PDE10A: variants seen among roughly 807,000 people sequenced by gnomAD.
PDE10A encodes the protein cAMP and cAMP-inhibited cGMP 3',5'-cyclic phosphodiesterase 10A.
Under a neutral mutation model 97.7 loss-of-function variants are expected in PDE10A, and 39 were observed. The observed-to-expected ratio is 0.40, with a 90% CI of 0.31 to 0.52. The LOEUF (loss-of-function observed/expected upper bound fraction) is 0.52. Ranked by LOEUF, PDE10A falls within the 20% of genes least tolerant of loss-of-function variation. The probability of loss-of-function intolerance (pLI) is 0.56; values close to 1 mark genes in which losing one functional copy is unlikely to be tolerated. For missense variants in PDE10A, 731 were observed against 1,047.8 expected (o/e 0.70, Z 4.17); for synonymous variants, 371 against 376.8 (o/e 0.98, Z 0.18).
chr6:165,539,386 A>G (rs1186230892), intron 2 of PDE10A, among the ~76,000 whole-genome samples: 1 of 152,232 alleles, frequency 6.6e-6, no homozygotes, highest in East Asian at 1.9e-4. Flanking sequence ...TCTACCTGTC[A>G]AAACAAAATC....
At chr6:165,658,326 T>C (rs1790066772) in intron 1 of PDE10A, among the ~76,000 whole-genome samples, 1 of 152,226 alleles carries the variant, frequency 6.6e-6, no homozygotes, top group African/African-American at 2.4e-5. Context: ...GTTTTGAATA[T>C]TTGGCAATCA....
intron 2 of PDE10A, among the ~76,000 whole-genome samples, chr6:165,516,268 C>T (rs930468968): frequency 4.6e-5 from 7 of 152,150 alleles, no homozygotes; most frequent in Admixed American, 1.3e-4. Context: ...CTTAATACTC[C>T]CATGTTAAAA....
Position 165,764,050 on chromosome 6 carries a change from C to A in PDE10A, c.-614-220482G>T, listed in dbSNP as rs146377669. 3.3e-4 allele frequency among the ~76,000 whole-genome samples: 51 copies of A among 152,344 alleles called. No individual in the cohort carries two copies. In the East Asian group the frequency reaches 9.4e-3, roughly 28 times the overall value. On this transcript the variant is annotated intron_variant, in intron 1 of 19. Coordinates refer to the PDE10A transcript ENST00000366882. Reference sequence around the variant, plus strand: ...TAGCAGGCTTGACACAAAACACTGCCTTTACATCACAAAATTCAATTCAGT... The same window carrying A: ...TAGCAGGCTTGACACAAAACACTGCATTTACATCACAAAATTCAATTCAGT...
At chr6:165,749,188 T>TCACC (rs1792911540) in intron 1 of PDE10A, among the ~76,000 whole-genome samples, 1 of 1,750 alleles carries the variant, frequency 5.7e-4, no homozygotes, top group African/African-American at 2.2e-3. Context: ...ACACTATCAC[T>TCACC]GTCATCACCA....
At chr6:165,426,172 T>G (rs1789149250) in intron 10 of PDE10A, among the ~76,000 whole-genome samples, 1 of 152,174 alleles carries the variant, frequency 6.6e-6, no homozygotes, top group Admixed American at 6.5e-5. Flanking sequence ...TCCACCTGAT[T>G]TCTTTGTAGA....
At position 165,662,394 on chromosome 6, in the gene PDE10A, C is replaced by G. The variant is rs896688948; in HGVS notation, c.418G>C (p.Val140Leu). 1 of 144,060 alleles carries G rather than the reference C, an allele frequency of 6.9e-6. No individual in the cohort carries two copies. Among genetic ancestry groups the G allele is most frequent in the African/African-American group, 2.7e-5 (1 of 37,686 alleles). The allele number at this position is 144,060 out of a possible 1,614,324, so 8.9% of individuals were successfully genotyped here. A position where few individuals can be genotyped will look rare whatever the true frequency, so the allele number is the denominator to read the frequency against. ...LPSSSAFHLP[V>L]RLPGREGAAA... ...GCGCCCTCCCTTCCTGGGAGACGCACGGGGAGGTGAAAGGCAGATGAGGAG... is the reference window on the plus strand; with the variant it reads ...GCGCCCTCCCTTCCTGGGAGACGCAGGGGGAGGTGAAAGGCAGATGAGGAG... The change falls in exon 1 of 22, where the codon GTG becomes CTG. Residue 140 changes from valine to leucine, a missense_variant. This residue lies in a region of PDE10A where 181 missense variants were observed against 159.1 expected (regional missense o/e 1.14). Coordinates refer to ENST00000539869, the MANE Select transcript of PDE10A (RefSeq NM_001385079.1).
chr6:165,566,983 C>A (rs1481746832), intron 1 of PDE10A, among the ~76,000 whole-genome samples: 3 of 152,142 alleles, frequency 2.0e-5, no homozygotes, highest in African/African-American at 7.2e-5. Flanking sequence ...CATCAAAAGC[C>A]ATATATATTA....
At chr6:165,515,698 A>C (rs1047208177) in intron 2 of PDE10A, among the ~76,000 whole-genome samples, 2 of 151,676 alleles carry the variant, frequency 1.3e-5, no homozygotes, top group African/African-American at 4.8e-5. Context: ...TAATTTTTGT[A>C]TTTTTAGTAG....
intron 2 of PDE10A, among the ~76,000 whole-genome samples, chr6:165,505,344 T>G (rs1781130181): frequency 6.6e-6 from 1 of 152,302 alleles, no homozygotes; most frequent in East Asian, 1.9e-4. Flanking sequence ...ACAAATTGTT[T>G]TCTTTAAAAG....
chr6:165,825,182 A>AG (rs1779698101), intron 1 of PDE10A, among the ~76,000 whole-genome samples: 2 of 145,096 alleles, frequency 1.4e-5, no homozygotes, highest in African/African-American at 5.0e-5. Context: ...AAAAAAAGAA[A>AG]GGGGGGCATT....
chr6:165,740,296 C>CAT (rs749792218), intron 1 of PDE10A, among the ~76,000 whole-genome samples: 1,482 of 145,018 alleles, frequency 0.01, 13 homozygotes, highest in Non-Finnish European at 0.015. Context: ...CAATGGAATA[C>CAT]ATATATATAT....
chr6:165,528,564 T>C (rs1432697378), intron 2 of PDE10A, among the ~76,000 whole-genome samples: 2 of 152,216 alleles, frequency 1.3e-5, no homozygotes, highest in African/African-American at 4.8e-5. Context: ...TTGTTCTCAA[T>C]GGAATAGACA....
At chr6:165,986,989 G>A (rs1263451546) in intron 1 of PDE10A, among the ~76,000 whole-genome samples, 1 of 151,952 alleles carries the variant, frequency 6.6e-6, no homozygotes, top group Non-Finnish European at 1.5e-5. Flanking sequence ...GGGGAGAGAA[G>A]AGAGTGGCGG....
intron 1 of PDE10A, among the ~76,000 whole-genome samples, chr6:165,796,086 CTTTTCTT>C (rs1778820218): frequency 8.3e-6 from 1 of 120,480 alleles, no homozygotes; most frequent in African/African-American, 3.3e-5. Context: ...TCTTTTTTTT[CTTTTCTT>C]TTTTTTTTTT....
intron 13 of PDE10A, among the ~76,000 whole-genome samples, chr6:165,404,664 C>T (rs991371823): frequency 2.6e-5 from 4 of 151,672 alleles, no homozygotes; most frequent in Non-Finnish European, 4.4e-5. Flanking sequence ...AACAAGTAAA[C>T]GATGACCTGA....
At chr6:165,337,480 T>TTCCA (rs1326480481) in intron 20 of PDE10A, among the ~76,000 whole-genome samples, 1 of 152,238 alleles carries the variant, frequency 6.6e-6, no homozygotes, top group East Asian at 1.9e-4. Flanking sequence ...CCTGTGTTAT[T>TTCCA]TCCATTTTTA....
At chr6:165,362,365 C>T (rs482128) in intron 18 of PDE10A, among the ~76,000 whole-genome samples, 71,100 of 151,706 alleles carry the variant, frequency 0.47, 17,538 homozygotes, top group African/African-American at 0.64. Context: ...GGAACAGAAA[C>T]GAAAAAGGGA....
chr6:165,656,814 A>G (rs996009380), intron 1 of PDE10A, among the ~76,000 whole-genome samples: 8 of 152,202 alleles, frequency 5.3e-5, no homozygotes, highest in African/African-American at 1.7e-4. Flanking sequence ...CACTGTCTGC[A>G]GAGCGCCCTA....
chr6:165,382,849 C>T (rs906509319), intron 17 of PDE10A, among the ~76,000 whole-genome samples: 1 of 152,070 alleles, frequency 6.6e-6, no homozygotes, highest in African/African-American at 2.4e-5. Context: ...AATTTGATAG[C>T]CAAATACCTT....
Sources: gnomAD v4.1 joint callset for allele counts (sites outside exome capture counted in the v4.1 genomes callset) on GRCh38, gnomAD v4.1.1 for gene constraint, gnomAD v4.1.1 regional missense constraint, MANE v1.5 for transcripts, NCBI Gene and HGNC (gene_info 2026-07-23, HGNC 2026-07-21) for gene names.